The following INSR variants were observed in gnomAD, a reference collection of about 807,000 sequenced individuals.
The protein encoded by INSR is insulin receptor, also known as IR.
In INSR, 67 loss-of-function variants were observed where a neutral mutation model predicts 142.6. That is an observed-to-expected ratio of 0.47 (90% CI 0.39 to 0.58). The LOEUF is 0.58. Among genes scored for constraint, INSR ranks in the 20% least tolerant of loss-of-function variants. The pLI, the probability that INSR is intolerant of heterozygous loss-of-function variation, is 0.00. For synonymous variants in INSR, 756 were observed against 743.1 expected, an observed-to-expected ratio of 1.02 and a Z score of -0.28; for missense variants, 1,248 against 1,833.2, an observed-to-expected ratio of 0.68 and a Z score of 5.83.
chr19:7,258,472 G>A (rs557657250), intron 2 of INSR, among the ~76,000 whole-genome samples: 4 of 147,226 alleles, frequency 2.7e-5, no homozygotes, highest in South Asian at 2.1e-4. Context: ...AGCAGCTGGC[G>A]GACTGGATTT....
In INSR at chr19:7,163,188, G is replaced by A; in HGVS notation, c.1873C>T (p.Pro625Ser). The A allele has an allele frequency of 6.2e-7, 1 of 1,613,248 alleles. No individual in the cohort carries two copies. Among genetic ancestry groups the A allele is most frequent in the Non-Finnish European group, 8.5e-7 (1 of 1,179,404 alleles). Residue 625 changes from proline (P) to serine (S), a missense_variant, in exon 9 of 22, where the codon CCC (proline) becomes TCC (serine). This residue lies in a region of INSR where 1,069 missense variants were observed against 1,654.0 expected (regional missense o/e 0.65). Coordinates refer to ENST00000302850, the MANE Select transcript of INSR (RefSeq NM_000208.4). ...VQTDATNPSVPLDPISVSNSS... is the reference protein window; with the variant it reads ...VQTDATNPSVSLDPISVSNSS... The stretch of plus-strand genomic sequence containing the variant: ...TTAGACACTGAGATTGGATCCAGGG[G>A]CACAGAGGGGTCTGTCAGGGAGAAA...
intron 2 of INSR, among the ~76,000 whole-genome samples, chr19:7,242,153 C>CA (rs58299832): frequency 0.45 from 59,894 of 134,250 alleles, 13,012 homozygotes; most frequent in East Asian, 0.66. Flanking sequence ...ACTCTTGTCT[C>CA]AAAAAAAAAA....
intron 3 of INSR, among the ~76,000 whole-genome samples, chr19:7,177,673 A>G (rs911886201): frequency 6.9e-6 from 1 of 145,394 alleles, no homozygotes; most frequent in Non-Finnish European, 1.5e-5. Context: ...GATTACAGGC[A>G]TGCACCACCA....
chr19:7,288,562 C>G (rs1317911785), intron 1 of INSR, among the ~76,000 whole-genome samples: 1 of 151,224 alleles, frequency 6.6e-6, no homozygotes, highest in Admixed American at 6.6e-5. Context: ...CTGCTCCAGG[C>G]CATGACTTGG....
chr19:7,290,211 C>A (rs1051546140), intron 1 of INSR, among the ~76,000 whole-genome samples: 1 of 151,144 alleles, frequency 6.6e-6, no homozygotes, highest in Non-Finnish European at 1.5e-5. Context: ...TTGAGACCAG[C>A]CTGGACAAAA....
chr19:7,243,234 G>GTTTTTTTTTTT (rs1161289283), intron 2 of INSR, among the ~76,000 whole-genome samples: 5 of 68,178 alleles, frequency 7.3e-5, no homozygotes, highest in Non-Finnish European at 7.6e-5. Flanking sequence ...CACTGTTTTG[G>GTTTTTTTTTTT]TTTTTTTTTT....
At chr19:7,258,015 G>A (rs1976949259) in intron 2 of INSR, among the ~76,000 whole-genome samples, 1 of 152,162 alleles carries the variant, frequency 6.6e-6, no homozygotes, top group South Asian at 2.1e-4. Context: ...TAGTAGAGAT[G>A]GGGTTTCTCC....
intron 11 of INSR, among the ~76,000 whole-genome samples, chr19:7,148,500 C>G (rs1224991321): frequency 3.8e-5 from 1 of 26,046 alleles, no homozygotes; most frequent in South Asian, 1.0e-3. Context: ...TTTTTTGAGA[C>G]AGAGTCTCGC....
Position 7,144,170 on chromosome 19 carries a change from T to G in INSR, c.2268-1080A>C, listed in dbSNP as rs148451699. On this transcript the variant is annotated intron_variant, in intron 11 of 21. Transcript: ENST00000302850. ...GTGTGAACATGATGAGGATCAAGCCTGTTTTATAAGTAAACTTTGTCTACT... is the reference window on the plus strand; with the variant it reads ...GTGTGAACATGATGAGGATCAAGCCGGTTTTATAAGTAAACTTTGTCTACT... Among the ~76,000 whole-genome samples, 23 of 152,276 alleles carry G rather than the reference T, an allele frequency of 1.5e-4. 2 individuals are homozygous for G. The East Asian group carries it at 4.2e-3, about 28-fold the overall frequency.
chr19:7,201,057 G>T (rs79955115), intron 2 of INSR, among the ~76,000 whole-genome samples: 3,036 of 152,114 alleles, frequency 0.02, 99 homozygotes, highest in African/African-American at 0.063. Flanking sequence ...CACATTTTAT[G>T]CAATTAAGTA....
intron 2 of INSR, among the ~76,000 whole-genome samples, chr19:7,252,246 C>G (rs1423734269): frequency 2.6e-5 from 4 of 152,056 alleles, no homozygotes; most frequent in Non-Finnish European, 4.4e-5. Context: ...CCCATCTCTA[C>G]TAAAAATACA....
intron 2 of INSR, among the ~76,000 whole-genome samples, chr19:7,212,559 A>G (rs1018475781): frequency 6.6e-6 from 1 of 152,166 alleles, no homozygotes; most frequent in Non-Finnish European, 1.5e-5. Context: ...GGCAGGCAGA[A>G]TCAGAGAGAA....
rs188208186 is a variant in INSR, at chr19:7,248,176, C to T, written c.652+19169G>A. On this transcript the variant is annotated intron_variant, in intron 2 of 21. Transcript: ENST00000302850. ...TTTTTTATTTTTGGAGACAGGGTCT[C>T]GCTCTGTCACCCAGGCTGGAGTGCA... Among the ~76,000 whole-genome samples the T allele has an allele frequency of 5.4e-3, 818 of 150,746 alleles. 13 individuals carry two copies. Among genetic ancestry groups the T allele is most frequent in the Non-Finnish European group, 6.8e-3 (462 of 67,638 alleles).
chr19:7,253,971 G>A (rs1224651824), intron 2 of INSR, among the ~76,000 whole-genome samples: 1 of 149,114 alleles, frequency 6.7e-6, no homozygotes, highest in African/African-American at 2.5e-5. Flanking sequence ...AGAGGTTGCA[G>A]TGAGCCGAGA....
chr19:7,237,541 C>T (rs935856809), intron 2 of INSR, among the ~76,000 whole-genome samples: 14 of 151,712 alleles, frequency 9.2e-5, no homozygotes, highest in African/African-American at 2.2e-4. Context: ...ATAGGCTGGG[C>T]GTGGTGGCTC....
chr19:7,264,423 AT>A (rs1374669602), intron 2 of INSR, among the ~76,000 whole-genome samples: 1 of 152,234 alleles, frequency 6.6e-6, no homozygotes, highest in Non-Finnish European at 1.5e-5. Flanking sequence ...CATTCTGGAT[AT>A]TTTGTCTAAA....
At chr19:7,165,247 C>T (rs536617427) in intron 8 of INSR, among the ~76,000 whole-genome samples, 8 of 151,456 alleles carry the variant, frequency 5.3e-5, no homozygotes, top group Admixed American at 2.0e-4. Context: ...GTCCAGATGG[C>T]GCCACTGCAC....
intron 1 of INSR, among the ~76,000 whole-genome samples, chr19:7,286,377 G>T (rs1045744033): frequency 6.6e-6 from 1 of 151,594 alleles, no homozygotes; most frequent in Non-Finnish European, 1.5e-5. Context: ...AGGGGGACAA[G>T]ATTTTTTTTT....
chr19:7,203,094 A>C (rs1975014550), intron 2 of INSR, among the ~76,000 whole-genome samples: 1 of 151,002 alleles, frequency 6.6e-6, no homozygotes, highest in African/African-American at 2.4e-5. Context: ...TGCAAAGTTC[A>C]GTCCTATCTG....
Sources: gnomAD v4.1 joint callset for allele counts (sites outside exome capture counted in the v4.1 genomes callset) on GRCh38, gnomAD v4.1.1 for gene constraint, gnomAD v4.1.1 regional missense constraint, MANE v1.5 for transcripts, NCBI Gene and HGNC (gene_info 2026-07-23, HGNC 2026-07-21) for gene names.